Variants in ITSN1 observed in about 807,000 individuals in gnomAD.
ITSN1 encodes the protein intersectin-1.
ITSN1 carries 58 observed loss-of-function variants against 239.8 expected under a neutral mutation model. The observed-to-expected ratio is 0.24, with a 90% confidence interval of 0.20 to 0.30. ITSN1 has a LOEUF of 0.30. Among genes scored for constraint, ITSN1 ranks in the 10% least tolerant of loss-of-function variants. The pLI is 1.00. For missense variants in ITSN1, 1,558 were observed against 2,103.3 expected (o/e 0.74, Z 5.07); for synonymous variants, 780 against 770.8 (o/e 1.01, Z -0.20).
At chr21:33,691,463 A>G (rs1211189712) in intron 1 of ITSN1, among the ~76,000 whole-genome samples, 4 of 152,222 alleles carry the variant, frequency 2.6e-5, no homozygotes, top group Non-Finnish European at 4.4e-5. Context: ...ATTCAAGACT[A>G]TTGCAATGGC....
intron 1 of ITSN1, among the ~76,000 whole-genome samples, chr21:33,691,133 A>G (rs2091528333): frequency 6.6e-6 from 1 of 151,922 alleles, no homozygotes; most frequent in South Asian, 2.1e-4. Flanking sequence ...CTGTGCCAGA[A>G]TTGTTTGTTT....
chr21:33,861,990 C>CAAA, intron 31 of ITSN1, among the ~76,000 whole-genome samples: 2 of 37,794 alleles, frequency 5.3e-5, no homozygotes, highest in Non-Finnish European at 9.7e-5. Flanking sequence ...GTCATCTCTA[C>CAAA]TAAAAAAAAA....
intron 9 of ITSN1, among the ~76,000 whole-genome samples, chr21:33,763,422 G>A (rs2068505204): frequency 6.6e-6 from 1 of 151,986 alleles, no homozygotes; most frequent in South Asian, 2.1e-4. Context: ...TTTTGGGCCC[G>A]ATAAATCTTT....
At chr21:33,707,920 G>C (rs1477802328) in intron 1 of ITSN1, among the ~76,000 whole-genome samples, 1 of 152,214 alleles carries the variant, frequency 6.6e-6, no homozygotes, top group Admixed American at 6.5e-5. Context: ...TAGAAGTAGA[G>C]TGGCTAGGTG....
rs116799990 is a variant in ITSN1 at position 33,796,176 on chromosome 21, A to G, written c.1953-1203A>G. ...ATGGGGTTTCACCATGTTGGTCTAGAACTCCTGGCTGGTCTAGAACTCCTG... is the reference window on the plus strand; with the variant it reads ...ATGGGGTTTCACCATGTTGGTCTAGGACTCCTGGCTGGTCTAGAACTCCTG... On this transcript the variant is annotated intron_variant, in intron 17 of 39. Coordinates refer to ENST00000381318, the MANE Select transcript of ITSN1 (RefSeq NM_003024.3). Among the ~76,000 whole-genome samples the G allele has an allele frequency of 7.2e-3, 1,090 of 152,020 alleles. 13 individuals are homozygous for G. The highest frequency in any genetic ancestry group is 0.025 in the African/African-American group (1,042 of 41,486).
At chr21:33,659,705 C>CTTTTTTTTTTTTTTTTTTTTTTTT in intron 1 of ITSN1, among the ~76,000 whole-genome samples, 1 of 76,608 alleles carries the variant, frequency 1.3e-5, no homozygotes, top group Non-Finnish European at 2.3e-5. Flanking sequence ...GCAGCCTGTA[C>CTTTTTTTTTTTTTTTTTTTTTTTT]TTTTTTTTTT....
At chr21:33,814,597 A>G (rs189293955) in intron 22 of ITSN1, 1 of 152,958 alleles carries the variant, frequency 6.5e-6, no homozygotes, top group Non-Finnish European at 1.5e-5. Context: ...GCTTAATACA[A>G]TAATGATAAA....
chr21:33,874,156 C>CAAAAA (rs778588764), intron 33 of ITSN1, among the ~76,000 whole-genome samples: 3 of 29,202 alleles, frequency 1.0e-4, no homozygotes, highest in Non-Finnish European at 1.5e-4. Flanking sequence ...AACTCCGTCT[C>CAAAAA]AAAAAAAAAA....
chr21:33,664,535 T>G (rs903027324), intron 1 of ITSN1, among the ~76,000 whole-genome samples: 23 of 152,126 alleles, frequency 1.5e-4, no homozygotes, highest in African/African-American at 4.8e-4. Context: ...ACTGCCACAG[T>G]GGGGACCAAA....
At chr21:33,665,091 C>T (rs927056343) in intron 1 of ITSN1, among the ~76,000 whole-genome samples, 33 of 152,038 alleles carry the variant, frequency 2.2e-4, no homozygotes, top group African/African-American at 7.0e-4. Context: ...GGTGAAACCC[C>T]GTGTCTACTA....
intron 4 of ITSN1, among the ~76,000 whole-genome samples, chr21:33,728,165 A>G (rs1357052661): frequency 2.0e-5 from 3 of 152,056 alleles, no homozygotes; most frequent in Non-Finnish European, 4.4e-5. Context: ...GGGTTTCACC[A>G]TGTCAGCCAG....
At chr21:33,850,801 G>A (rs2075136534) in intron 29 of ITSN1, among the ~76,000 whole-genome samples, 2 of 152,336 alleles carry the variant, frequency 1.3e-5, no homozygotes, top group South Asian at 4.1e-4. Context: ...ACACCTACCA[G>A]GAGAGGCCCA....
intron 21 of ITSN1, among the ~76,000 whole-genome samples, 188 bp downstream of exon 21, chr21:33,811,410 A>G (rs2148192547): frequency 6.6e-6 from 1 of 152,256 alleles, no homozygotes; most frequent in South Asian, 2.1e-4. Context: ...TAATGATATC[A>G]TTGTCTAACA....
intron 6 of ITSN1, among the ~76,000 whole-genome samples, chr21:33,751,270 G>A (rs1410411615): frequency 1.3e-5 from 2 of 152,160 alleles, no homozygotes; most frequent in African/African-American, 2.4e-5. Flanking sequence ...GGCACATGTT[G>A]CAAGTCATTT....
At chr21:33,863,948 G>A (rs569648771) in intron 31 of ITSN1, among the ~76,000 whole-genome samples, 1 of 152,314 alleles carries the variant, frequency 6.6e-6, no homozygotes, top group South Asian at 2.1e-4. Flanking sequence ...CCCCATGAGG[G>A]CATCCACTTC....
chr21:33,675,365 C>T (rs1486561152), intron 1 of ITSN1, among the ~76,000 whole-genome samples: 3 of 151,866 alleles, frequency 2.0e-5, no homozygotes, highest in East Asian at 3.9e-4. Flanking sequence ...AGACCGAGAC[C>T]GTCCTAGCCA....
At chr21:33,722,922 C>T (rs1420489670) in intron 4 of ITSN1, among the ~76,000 whole-genome samples, 1 of 152,118 alleles carries the variant, frequency 6.6e-6, no homozygotes, top group Non-Finnish European at 1.5e-5. Flanking sequence ...TTTTGGTGTT[C>T]CTTCACCAAT....
intron 33 of ITSN1, among the ~76,000 whole-genome samples, chr21:33,875,098 G>C (rs1219510110): frequency 6.6e-6 from 1 of 152,226 alleles, no homozygotes; most frequent in Non-Finnish European, 1.5e-5. Context: ...GACATTCAGG[G>C]TGTGGGGCTG....
intron 33 of ITSN1, among the ~76,000 whole-genome samples, chr21:33,867,699 A>C (rs1184663820): frequency 4.0e-5 from 6 of 150,848 alleles, no homozygotes; most frequent in Non-Finnish European, 7.4e-5. Flanking sequence ...TCTTGGTCTC[A>C]CTGACTTCAA....
Sources: gnomAD v4.1 joint callset for allele counts (sites outside exome capture counted in the v4.1 genomes callset) on GRCh38, gnomAD v4.1.1 for gene constraint, MANE v1.5 for transcripts, NCBI Gene and HGNC (gene_info 2026-07-23, HGNC 2026-07-21) for gene names.